The following SYN3 variants were observed in gnomAD, a reference collection of about 807,000 sequenced individuals.
SYN3 encodes the protein synapsin-3.
Under a neutral mutation model 65.8 loss-of-function variants are expected in SYN3, and 35 were observed. The observed-to-expected ratio is 0.53, with a 90% confidence interval of 0.41 to 0.70. SYN3 has a LOEUF of 0.70. Ranked by LOEUF, SYN3 falls within the 30% of genes least tolerant of loss-of-function variation. The probability of loss-of-function intolerance (pLI) is 0.00; values close to 1 mark genes in which losing one functional copy is unlikely to be tolerated. For missense variants in SYN3, 680 were observed against 749.0 expected, an observed-to-expected ratio of 0.91 and a Z score of 1.08; for synonymous variants, 270 against 292.9, an observed-to-expected ratio of 0.92 and a Z score of 0.80.
chr22:32,548,269 G>A (rs897598615), intron 7 of SYN3, among the ~76,000 whole-genome samples: 4 of 152,172 alleles, frequency 2.6e-5, no homozygotes, highest in East Asian at 1.9e-4. Context: ...TGGCCAGGAC[G>A]GTCTTGAACT....
At chr22:32,573,941 TTTTTTTTTTTTA>T (rs1218924402) in intron 7 of SYN3, among the ~76,000 whole-genome samples, 5 of 151,126 alleles carry the variant, frequency 3.3e-5, no homozygotes, top group Admixed American at 3.3e-4. Flanking sequence ...GGCTAATTTT[TTTTTTTTTTTTA>T]TTTTAGTAGA....
intron 6 of SYN3, among the ~76,000 whole-genome samples, chr22:32,835,269 A>C (rs573686645): frequency 6.6e-6 from 1 of 152,188 alleles, no homozygotes; most frequent in African/African-American, 2.4e-5. Context: ...AGCACCTACT[A>C]TGTTCCAGAC....
chr22:32,633,438 A>C (rs2059773242), intron 6 of SYN3, among the ~76,000 whole-genome samples: 4 of 151,916 alleles, frequency 2.6e-5, no homozygotes, highest in African/African-American at 9.7e-5. Context: ...CCAGGACCAA[A>C]TTTCTCTGTG....
In SYN3 at chr22:32,729,649, C is replaced by A. The variant is rs551513308; in HGVS notation, c.712-132913G>T. Among the ~76,000 whole-genome samples the A allele has an allele frequency of 2.5e-4, 38 of 152,338 alleles. 2 individuals are homozygous for A. The South Asian group carries it at 7.7e-3, about 31-fold the overall frequency. ...CAAGGTTACCCCCATAATGACATCA[C>A]TCTCACTGACTTGCAATCTAATCTA... On this transcript the variant is annotated intron_variant, in intron 6 of 13. Coordinates refer to ENST00000358763, the MANE Select transcript of SYN3 (RefSeq NM_003490.4).
At chr22:32,710,912 C>T (rs2060955724) in intron 6 of SYN3, among the ~76,000 whole-genome samples, 1 of 152,168 alleles carries the variant, frequency 6.6e-6, no homozygotes, top group South Asian at 2.1e-4. Flanking sequence ...ACACGCCCCC[C>T]ATGAAAGATC....
chr22:33,028,513 G>A (rs904638758), intron 1 of SYN3, among the ~76,000 whole-genome samples: 5 of 152,190 alleles, frequency 3.3e-5, no homozygotes, highest in Non-Finnish European at 2.9e-5. Flanking sequence ...GGGCAACCAC[G>A]GCCCAGATTT....
intron 1 of SYN3, among the ~76,000 whole-genome samples, chr22:33,023,946 G>GAGGTGTCCA (rs2053599301): frequency 6.6e-6 from 1 of 152,160 alleles, no homozygotes. Flanking sequence ...TGAAGCTGGA[G>GAGGTGTCCA]AGGTGTCCAC....
intron 4 of SYN3, among the ~76,000 whole-genome samples, chr22:32,916,126 A>C (rs1416389228): frequency 6.6e-6 from 1 of 152,210 alleles, no homozygotes; most frequent in Non-Finnish European, 1.5e-5. Context: ...GAGGAAGCTC[A>C]ATAGCCACGT....
chr22:33,026,935 T>C (rs2053649502), intron 1 of SYN3, among the ~76,000 whole-genome samples: 1 of 152,236 alleles, frequency 6.6e-6, no homozygotes, highest in Non-Finnish European at 1.5e-5. Flanking sequence ...AGAGGCTCGT[T>C]CTTGGGAACT....
At chr22:32,596,025 C>T (rs573453650) in intron 7 of SYN3, among the ~76,000 whole-genome samples, 8 of 152,194 alleles carry the variant, frequency 5.3e-5, no homozygotes, top group Admixed American at 2.0e-4. Flanking sequence ...TGTAGTGAGC[C>T]GAGATCACGC....
In SYN3 at chr22:32,652,376, CAAGTTTTTTTTTTTTTGGAAAAAAAA is replaced by C. The variant is rs922810000; in HGVS notation, c.712-55666_712-55641del. 3.5e-5 allele frequency among the ~76,000 whole-genome samples: 5 copies of C among 142,024 alleles called. No homozygotes were observed. The Admixed American group carries it at 3.7e-4, about 10-fold the overall frequency. The allele number at this position is 142,024 out of a possible 152,430, so 93.2% of individuals were successfully genotyped here. ...CTTTCCCACACCTAAGTCTGCGATG[CAAGTTTTTTTTTTTTTGGAAAAAAAA>C]AAGTTTTCTTTTTTGGAAGAAAACA... On this transcript the variant is annotated intron_variant, in intron 6 of 13. Coordinates refer to ENST00000358763, the MANE Select transcript of SYN3 (RefSeq NM_003490.4).
chr22:32,947,535 C>G (rs1183066122), intron 3 of SYN3: 1 of 152,146 alleles, frequency 6.6e-6, no homozygotes, highest in Non-Finnish European at 1.5e-5. Context: ...AGGCAGAGAG[C>G]AGGGGAAAGG....
chr22:33,008,924 C>CAAAAAAAAAAAAAAAAAA (rs201719238), intron 1 of SYN3, among the ~76,000 whole-genome samples: 2 of 57,066 alleles, frequency 3.5e-5, no homozygotes, highest in Non-Finnish European at 6.5e-5. Flanking sequence ...GACTTTATCT[C>CAAAAAAAAAAAAAAAAAA]AAAAAAAAAA....
intron 6 of SYN3, among the ~76,000 whole-genome samples, chr22:32,673,971 T>C (rs941582725): frequency 1.2e-4 from 18 of 151,970 alleles, no homozygotes; most frequent in African/African-American, 4.4e-4. Context: ...TGTGGAGGTG[T>C]GGCTACTCTG....
intron 1 of SYN3, among the ~76,000 whole-genome samples, chr22:33,026,088 G>A (rs1419623304): frequency 1.3e-5 from 2 of 152,172 alleles, no homozygotes; most frequent in Non-Finnish European, 2.9e-5. Flanking sequence ...GCATCTTAGA[G>A]CCCAGCCAAG....
intron 10 of SYN3, among the ~76,000 whole-genome samples, chr22:32,531,394 C>T (rs2058069079): frequency 6.6e-6 from 1 of 152,102 alleles, no homozygotes; most frequent in Non-Finnish European, 1.5e-5. Flanking sequence ...ATTCTGGTCT[C>T]TGTTTCCTAC....
chr22:32,841,611 C>T (rs574119531), intron 6 of SYN3, among the ~76,000 whole-genome samples: 1 of 151,382 alleles, frequency 6.6e-6, no homozygotes, highest in East Asian at 2.0e-4. Context: ...TAAATGTAGA[C>T]TAAATGTAGA....
At chr22:32,556,816 T>G (rs866491175) in intron 7 of SYN3, among the ~76,000 whole-genome samples, 46,142 of 121,760 alleles carry the variant, frequency 0.38, 12,919 homozygotes, top group East Asian at 0.52. Context: ...TTTTTTTTTT[T>G]TTTTTTTTTT....
intron 6 of SYN3, chr22:32,861,391 C>G (rs111794229): frequency 6.6e-6 from 1 of 151,974 alleles, no homozygotes; most frequent in African/African-American, 2.4e-5. Context: ...GCAGTGTGAG[C>G]AGAAGCTGAT....
Sources: gnomAD v4.1 joint callset for allele counts (sites outside exome capture counted in the v4.1 genomes callset) on GRCh38, gnomAD v4.1.1 for gene constraint, MANE v1.5 for transcripts, NCBI Gene and HGNC (gene_info 2026-07-23, HGNC 2026-07-21) for gene names.